The following ANKFN1 variants were observed in gnomAD, a reference collection of about 807,000 sequenced individuals.
ANKFN1 encodes ankyrin repeat and fibronectin type III domain containing 1, also known as ankyrin repeat and fibronectin type-III domain-containing protein 1.
Under a neutral mutation model 108.7 loss-of-function variants are expected in ANKFN1, and 74 were observed. The observed-to-expected ratio is 0.68, with a 90% CI of 0.56 to 0.83. The LOEUF is 0.83. Ranked by LOEUF, ANKFN1 falls within the 40% of genes least tolerant of loss-of-function variation. ANKFN1 has a pLI of 0.00. For missense variants in ANKFN1, 1,505 were observed against 1,382.3 expected (o/e 1.09, Z -1.41); for synonymous variants, 547 against 516.2 (o/e 1.06, Z -0.81).
chr17:56,413,373 G>A (rs2048151602), intron 8 of ANKFN1, among the ~76,000 whole-genome samples: 1 of 152,110 alleles, frequency 6.6e-6, no homozygotes, highest in African/African-American at 2.4e-5. Flanking sequence ...CTGCAAAAAG[G>A]GACAGTTTGA....
At chr17:56,407,878 T>A (rs1024469880) in intron 8 of ANKFN1, among the ~76,000 whole-genome samples, 17 of 151,990 alleles carry the variant, frequency 1.1e-4, no homozygotes, top group African/African-American at 4.1e-4. Context: ...ATAAACTTTC[T>A]AGAAGAGCTT....
chr17:56,189,459 C>T (rs955579963), intron 1 of ANKFN1, among the ~76,000 whole-genome samples: 2 of 151,880 alleles, frequency 1.3e-5, no homozygotes, highest in Non-Finnish European at 2.9e-5. Context: ...CGTGAGCCAC[C>T]GCGCCCGGCC....
chr17:56,127,403 T>C (rs1456670666), intron 4 of ANKFN1, among the ~76,000 whole-genome samples: 1 of 152,126 alleles, frequency 6.6e-6, no homozygotes, highest in Non-Finnish European at 1.5e-5. Context: ...AACCTCCACC[T>C]CCCAGGTTCA....
chr17:56,065,024 C>T (rs879262415), intron 4 of ANKFN1, among the ~76,000 whole-genome samples: 6 of 152,194 alleles, frequency 3.9e-5, no homozygotes, highest in Non-Finnish European at 7.3e-5. Flanking sequence ...CTTCCTTCCT[C>T]GCCGTGGATC....
At chr17:56,267,735 C>T (rs1351064615) in intron 3 of ANKFN1, among the ~76,000 whole-genome samples, 1 of 152,056 alleles carries the variant, frequency 6.6e-6, no homozygotes, top group Non-Finnish European at 1.5e-5. Context: ...GGTTTTCCAA[C>T]TTATTTCATT....
chr17:56,292,182 C>T (rs2044381622), intron 3 of ANKFN1, among the ~76,000 whole-genome samples: 1 of 152,158 alleles, frequency 6.6e-6, no homozygotes, highest in African/African-American at 2.4e-5. Context: ...TCCAAAGAGG[C>T]AGAGGCTGAG....
intron 1 of ANKFN1, among the ~76,000 whole-genome samples, chr17:56,199,320 G>A (rs1650607261): frequency 6.8e-6 from 1 of 146,924 alleles, no homozygotes; most frequent in Admixed American, 6.8e-5. Context: ...CATACTTTAT[G>A]ACCTTACTGA....
chr17:56,308,870 T>G (rs1250763070), intron 3 of ANKFN1, among the ~76,000 whole-genome samples: 2 of 152,216 alleles, frequency 1.3e-5, no homozygotes, highest in East Asian at 3.8e-4. Flanking sequence ...TGAATTACAT[T>G]GATTGGTGTC....
intron 3 of ANKFN1, among the ~76,000 whole-genome samples, chr17:56,253,077 A>G (rs2043275088): frequency 6.6e-6 from 1 of 152,180 alleles, no homozygotes; most frequent in African/African-American, 2.4e-5. Flanking sequence ...AATAATAATA[A>G]TTGATGTAAT....
intron 4 of ANKFN1, among the ~76,000 whole-genome samples, chr17:56,060,103 C>T (rs56204604): frequency 0.11 from 17,299 of 151,806 alleles, 2,023 homozygotes; most frequent in African/African-American, 0.32. Context: ...TCTCTTATTT[C>T]CTTGAGAAGT....
intron 3 of ANKFN1, among the ~76,000 whole-genome samples, chr17:56,279,035 C>CT (rs1434490644): frequency 6.6e-6 from 1 of 151,934 alleles, no homozygotes. Context: ...TTTAGTTTTT[C>CT]TTCTTTAGTA....
chr17:56,249,927 C>T (rs1440579096), intron 3 of ANKFN1, among the ~76,000 whole-genome samples: 1 of 152,134 alleles, frequency 6.6e-6, no homozygotes, highest in Non-Finnish European at 1.5e-5. Flanking sequence ...TTCTGCTGCA[C>T]CATTGTTAGC....
At chr17:56,443,501 A>G (rs1209558245) in intron 10 of ANKFN1, among the ~76,000 whole-genome samples, 3 of 152,178 alleles carry the variant, frequency 2.0e-5, no homozygotes, top group Non-Finnish European at 4.4e-5. Flanking sequence ...GAGTACATAC[A>G]GTCCATTGTA....
Position 56,499,057 on chromosome 17 carries a change from C to T in ANKFN1, c.2603C>T (p.Pro868Leu). The change falls in exon 20 of 21, where the codon CCA (proline) becomes CTA (leucine). Residue 868 changes from proline (P) to leucine (L), a missense_variant. Coordinates refer to ENST00000682825, the MANE Select transcript of ANKFN1 (RefSeq NM_001370326.1). ...SSSHIDCLPSPPPSPEMHRRK... is the reference protein window; with the variant it reads ...SSSHIDCLPSLPPSPEMHRRK... ...TCACATATAGACTGTCTTCCATCCC[C>T]ACCCCCATCCCCAGAGATGCACAGA... The T allele has an allele frequency of 2.0e-6, 3 of 1,535,590 alleles. No homozygotes were observed. Among genetic ancestry groups the T allele is most frequent in the Non-Finnish European group, 1.7e-6 (2 of 1,146,570 alleles).
intron 3 of ANKFN1, among the ~76,000 whole-genome samples, chr17:56,317,250 A>C (rs1032226928): frequency 6.6e-6 from 1 of 152,212 alleles, no homozygotes; most frequent in African/African-American, 2.4e-5. Context: ...GTTTTTAAAA[A>C]AGAAAAAAGC....
intron 3 of ANKFN1, among the ~76,000 whole-genome samples, chr17:56,264,181 G>A (rs2043591527): frequency 6.6e-6 from 1 of 152,200 alleles, no homozygotes; most frequent in South Asian, 2.1e-4. Flanking sequence ...CTGTGGAAAA[G>A]CCACAGAATA....
intron 1 of ANKFN1, among the ~76,000 whole-genome samples, chr17:56,183,721 T>C (rs2143641926): frequency 6.6e-6 from 1 of 152,256 alleles, no homozygotes; most frequent in East Asian, 1.9e-4. Flanking sequence ...AAACCTCTTT[T>C]CTCTATACAT....
intron 10 of ANKFN1, 104 bp from the exon 11 acceptor site, chr17:56,448,973 CAG>C (rs1376996056): frequency 2.3e-6 from 2 of 860,938 alleles, no homozygotes; most frequent in Non-Finnish European, 1.9e-6. Flanking sequence ...TGCTCATCCG[CAG>C]AGACTGTGGG....
chr17:56,119,883 G>A (rs1420152330), intron 4 of ANKFN1, among the ~76,000 whole-genome samples: 1 of 152,118 alleles, frequency 6.6e-6, no homozygotes, highest in Non-Finnish European at 1.5e-5. Context: ...CATATGAAAA[G>A]TCATTATTAT....
Sources: gnomAD v4.1 joint callset for allele counts (sites outside exome capture counted in the v4.1 genomes callset) on GRCh38, gnomAD v4.1.1 for gene constraint, MANE v1.5 for transcripts, NCBI Gene and HGNC (gene_info 2026-07-23, HGNC 2026-07-21) for gene names.